FSTL4: variants seen among roughly 807,000 people sequenced by gnomAD.
FSTL4 encodes the protein follistatin like 4, also known as follistatin-related protein 4.
FSTL4 carries 28 observed loss-of-function variants against 78.2 expected under a neutral mutation model. That is an observed-to-expected ratio of 0.36 (90% CI 0.27 to 0.49). FSTL4 has a LOEUF of 0.49. Ranked by LOEUF, FSTL4 falls within the 20% of genes least tolerant of loss-of-function variation. The pLI is 0.98. For missense variants in FSTL4, 922 were observed against 1,084.9 expected, an observed-to-expected ratio of 0.85 and a Z score of 2.11; for synonymous variants, 422 against 440.5, an observed-to-expected ratio of 0.96 and a Z score of 0.53.
At chr5:133,327,159 C>T (rs901113641) in intron 4 of FSTL4, among the ~76,000 whole-genome samples, 1 of 152,204 alleles carries the variant, frequency 6.6e-6, no homozygotes, top group East Asian at 1.9e-4. Context: ...TCAGGAAACT[C>T]AACGAAGAAC....
chr5:133,289,451 T>C (rs17626237), intron 6 of FSTL4, among the ~76,000 whole-genome samples: 25,721 of 152,198 alleles, frequency 0.17, 2,541 homozygotes, highest in African/African-American at 0.26. Flanking sequence ...ACTTGATATT[T>C]ACATACCTCC....
At chr5:133,682,608 A>T in the FSTL4 span, among the ~76,000 whole-genome samples, 1 of 152,184 alleles carries the variant, frequency 6.6e-6, no homozygotes, top group African/African-American at 2.4e-5. Context: ...TCTGAGAACA[A>T]CCCAATTTGT....
chr5:133,273,244 TACTCTTTTA>T (rs1752806251), intron 6 of FSTL4, among the ~76,000 whole-genome samples: 1 of 152,272 alleles, frequency 6.6e-6, no homozygotes, highest in South Asian at 2.1e-4. Flanking sequence ...ATATCTAAAC[TACTCTTTTA>T]ACATAAAATC....
intron 13 of FSTL4, among the ~76,000 whole-genome samples, chr5:133,213,108 T>C (rs1180001573): frequency 2.0e-5 from 3 of 151,836 alleles, no homozygotes; most frequent in Admixed American, 6.6e-5. Flanking sequence ...GTTCAAGTGA[T>C]TCTCCTGTTT....
intron 3 of FSTL4, among the ~76,000 whole-genome samples, chr5:133,519,617 C>A (rs1446842662): frequency 6.6e-6 from 1 of 152,226 alleles, no homozygotes; most frequent in African/African-American, 2.4e-5. Flanking sequence ...GGTGCCTGGG[C>A]CCCTTTGGTA....
At chr5:133,517,723 T>A (rs1306588872) in intron 3 of FSTL4, among the ~76,000 whole-genome samples, 1 of 150,598 alleles carries the variant, frequency 6.6e-6, no homozygotes, top group Non-Finnish European at 1.5e-5. Context: ...ATCTGCAGGG[T>A]AGGCTGGCAG....
chr5:133,384,115 G>A (rs1343907858), intron 4 of FSTL4, among the ~76,000 whole-genome samples: 1 of 152,182 alleles, frequency 6.6e-6, no homozygotes, highest in Non-Finnish European at 1.5e-5. Context: ...AAAGACTTCT[G>A]GAATCAAGCT....
chr5:133,608,124 G>A (rs1435182174), intron 1 of FSTL4, among the ~76,000 whole-genome samples: 1 of 152,164 alleles, frequency 6.6e-6, no homozygotes, highest in Non-Finnish European at 1.5e-5. Context: ...TTGGGAAGGT[G>A]CCATCCATAA....
At chr5:133,343,912 C>A (rs1215963436) in intron 4 of FSTL4, among the ~76,000 whole-genome samples, 2 of 152,210 alleles carry the variant, frequency 1.3e-5, no homozygotes, top group East Asian at 1.9e-4. Flanking sequence ...GATTATTGAT[C>A]AACGCTGAAC....
the FSTL4 span, among the ~76,000 whole-genome samples, chr5:133,726,770 G>T: frequency 6.6e-6 from 1 of 152,136 alleles, no homozygotes; most frequent in Non-Finnish European, 1.5e-5. Context: ...GATTTAATTT[G>T]TAAAACCAAT....
At chr5:133,546,787 T>C (rs1473051058) in intron 3 of FSTL4, among the ~76,000 whole-genome samples, 1 of 152,096 alleles carries the variant, frequency 6.6e-6, no homozygotes, top group African/African-American at 2.4e-5. Context: ...TTCCCCACAT[T>C]CCAGCGTAGC....
intron 4 of FSTL4, among the ~76,000 whole-genome samples, chr5:133,381,992 T>C (rs1755585602): frequency 6.6e-6 from 1 of 152,228 alleles, no homozygotes; most frequent in East Asian, 1.9e-4. Context: ...TGAATGTGTG[T>C]CAATTCCAGG....
chr5:133,234,627 A>G (rs576758153), intron 7 of FSTL4, among the ~76,000 whole-genome samples: 3 of 152,286 alleles, frequency 2.0e-5, no homozygotes, highest in African/African-American at 7.2e-5. Context: ...CTCAGAGCTG[A>G]TGGTACAGAG....
At chr5:133,242,105 T>G (rs1751892274) in intron 7 of FSTL4, among the ~76,000 whole-genome samples, 1 of 152,180 alleles carries the variant, frequency 6.6e-6, no homozygotes, top group Non-Finnish European at 1.5e-5. Context: ...ATCTTACACG[T>G]CAACTTACAC....
chr5:133,428,733 A>G (rs561312728), intron 3 of FSTL4, among the ~76,000 whole-genome samples: 1 of 152,302 alleles, frequency 6.6e-6, no homozygotes, highest in South Asian at 2.1e-4. Context: ...GGGCTCTCTC[A>G]TCCTGGATGC....
chr5:133,300,860 G>A (rs1056802934), intron 6 of FSTL4, among the ~76,000 whole-genome samples: 1 of 151,940 alleles, frequency 6.6e-6, no homozygotes, highest in African/African-American at 2.4e-5. Flanking sequence ...AGCCCTCCAC[G>A]GGACACCTGT....
chr5:133,623,088 TC>T, the FSTL4 span, among the ~76,000 whole-genome samples: 1 of 147,488 alleles, frequency 6.8e-6, no homozygotes, highest in Non-Finnish European at 1.5e-5. Context: ...TAGGATGAGG[TC>T]TTTTTTTTTT....
At chr5:133,804,886 G>A in the FSTL4 span, among the ~76,000 whole-genome samples, 2 of 144,438 alleles carry the variant, frequency 1.4e-5, no homozygotes, top group Middle Eastern at 4.1e-3. Flanking sequence ...GGAGCTTGCA[G>A]TGAGCCAAAT....
the FSTL4 span, among the ~76,000 whole-genome samples, chr5:133,633,511 T>G: frequency 2.0e-5 from 3 of 152,228 alleles, no homozygotes; most frequent in Non-Finnish European, 4.4e-5. Context: ...TTCTCTTTTT[T>G]TCATTGATTT....
Sources: allele counts gnomAD v4.1 joint callset (sites outside exome capture counted in the v4.1 genomes callset), GRCh38; gene constraint gnomAD v4.1.1; transcripts MANE v1.5; gene names NCBI Gene and HGNC (gene_info 2026-07-23, HGNC 2026-07-21).